The following KIF16B variants were observed in gnomAD, a reference collection of about 807,000 sequenced individuals.
KIF16B encodes the protein kinesin-like protein KIF16B.
A neutral mutation model predicts 156.3 loss-of-function variants in KIF16B; 98 were observed. The ratio of observed to expected loss-of-function variants is 0.63; its 90% CI spans 0.53 to 0.74. The LOEUF is 0.74. KIF16B is among the 30% of genes least tolerant of loss of function. KIF16B has a pLI of 0.00. For synonymous variants in KIF16B, 564 were observed against 583.7 expected (o/e 0.97, Z 0.49); for missense variants, 1,421 against 1,606.5 (o/e 0.88, Z 1.97).
intron 10 of KIF16B, among the ~76,000 whole-genome samples, chr20:16,501,940 G>T (rs1254372773): frequency 6.6e-6 from 1 of 152,062 alleles, no homozygotes; most frequent in Non-Finnish European, 1.5e-5. Context: ...TTAGATGGGT[G>T]AATTTAGCTT....
chr20:16,322,171 A>G (rs578142872), intron 24 of KIF16B, among the ~76,000 whole-genome samples: 2 of 152,144 alleles, frequency 1.3e-5, no homozygotes, highest in African/African-American at 4.8e-5. Flanking sequence ...AAAAGACAAA[A>G]TTCCTATGGA....
At chr20:16,459,515 T>G (rs1313187466) in intron 12 of KIF16B, among the ~76,000 whole-genome samples, 1 of 152,134 alleles carries the variant, frequency 6.6e-6, no homozygotes. Flanking sequence ...GGTCTCTGAG[T>G]CATCATTTGG....
At chr20:16,527,263 C>G (rs941008555) in intron 2 of KIF16B, among the ~76,000 whole-genome samples, 3 of 152,200 alleles carry the variant, frequency 2.0e-5, no homozygotes, top group African/African-American at 7.2e-5. Context: ...TGGAGAATGC[C>G]TCAGGCAAAG....
chr20:16,501,595 A>G (rs1380657773), intron 10 of KIF16B, among the ~76,000 whole-genome samples: 20 of 152,144 alleles, frequency 1.3e-4, no homozygotes, highest in Admixed American at 1.3e-3. Context: ...AACCCCTCAA[A>G]TGCCCATCTA....
chr20:16,321,540 C>G (rs1459049839), intron 24 of KIF16B, among the ~76,000 whole-genome samples: 1 of 151,932 alleles, frequency 6.6e-6, no homozygotes, highest in South Asian at 2.1e-4. Flanking sequence ...TTCTATAACT[C>G]AGATGCTGAT....
intron 1 of KIF16B, among the ~76,000 whole-genome samples, chr20:16,547,085 T>C (rs2070439065): frequency 6.6e-6 from 1 of 152,216 alleles, no homozygotes; most frequent in Non-Finnish European, 1.5e-5. Flanking sequence ...CTTTCACTTA[T>C]TTTTAAATTC....
At position 16,506,177 on chromosome 20, in the gene KIF16B, G is replaced by T. The variant is rs770892172; in HGVS notation, c.713C>A (p.Ser238Tyr). ...ACTGACGGTTTCACATGGCATTTCA[G>T]AATCAAATTTAGCCTGTGGTAAAAT... is the stretch of plus-strand genomic sequence containing the variant. The part of the protein sequence containing the change: ...TIKFTQAKFD[S>Y]EMPCETVSKI... The change falls in exon 8 of 26, where the codon TCT becomes TAT. Residue 238 changes from serine (S) to tyrosine (Y), a missense_variant. Coordinates refer to ENST00000354981, the MANE Select transcript of KIF16B (RefSeq NM_024704.5). 9.3e-6 allele frequency: 15 copies of T among 1,613,942 alleles called. No homozygotes were observed. In the Admixed American group the frequency reaches 1.2e-4, roughly 13 times the overall value.
At chr20:16,394,478 C>T (rs1480034613) in intron 17 of KIF16B, among the ~76,000 whole-genome samples, 1 of 152,164 alleles carries the variant, frequency 6.6e-6, no homozygotes, top group Non-Finnish European at 1.5e-5. Flanking sequence ...CTATTTAAGG[C>T]AATCTATAGC....
chr20:16,320,166 T>C (rs1481722214), intron 24 of KIF16B, among the ~76,000 whole-genome samples: 1 of 152,068 alleles, frequency 6.6e-6, no homozygotes, highest in Non-Finnish European at 1.5e-5. Context: ...ACAAGGGCAC[T>C]ACAGGAAATT....
chr20:16,406,538 T>G (rs930579829), intron 15 of KIF16B, 82 bp from the exon 16 acceptor site: 3 of 1,141,538 alleles, frequency 2.6e-6, no homozygotes, highest in Admixed American at 3.5e-5. Flanking sequence ...ATTCTACTGT[T>G]GAAATGTAAT....
At chr20:16,432,150 C>T (rs918669714) in intron 12 of KIF16B, among the ~76,000 whole-genome samples, 1 of 152,032 alleles carries the variant, frequency 6.6e-6, no homozygotes, top group Admixed American at 6.6e-5. Flanking sequence ...GACAAAAGAC[C>T]TCTAAAGTCA....
intron 25 of KIF16B, among the ~76,000 whole-genome samples, chr20:16,302,143 C>T (rs914039837): frequency 5.9e-5 from 9 of 152,136 alleles, no homozygotes; most frequent in Admixed American, 2.0e-4. Context: ...TGAAGTCTAT[C>T]TTATTTATTT....
chr20:16,274,107 A>G (rs551166858), intron 25 of KIF16B, among the ~76,000 whole-genome samples: 4 of 151,594 alleles, frequency 2.6e-5, no homozygotes, highest in African/African-American at 9.7e-5. Context: ...AAGGCCGGCC[A>G]TCTGTACAAG....
chr20:16,379,568 C>T lies in KIF16B; in HGVS notation c.2434G>A (p.Asp812Asn), dbSNP rs768717907. Residue 812 changes from aspartate (D) to asparagine (N), a missense_variant, in exon 19 of 26, where the codon GAT (aspartate) becomes AAT (asparagine). Asp to Asn is a conservative substitution (Grantham distance 23). Transcript: ENST00000354981. ...LRVKEARAGGDEDGEELEKAQ... is the reference protein window; with the variant it reads ...LRVKEARAGGNEDGEELEKAQ... The stretch of plus-strand genomic sequence containing the variant: ...TTTTCTAACTCCTCGCCATCTTCAT[C>T]CCCTCCGGCACGAGCCTCCTTCACC... The T allele has an allele frequency of 2.1e-5, 34 of 1,614,020 alleles. No individual in the cohort carries two copies. The South Asian group carries it at 3.4e-4, about 16-fold the overall frequency.
chr20:16,362,603 C>G (rs1221366877), intron 22 of KIF16B, among the ~76,000 whole-genome samples: 2 of 152,160 alleles, frequency 1.3e-5, no homozygotes, highest in African/African-American at 4.8e-5. Flanking sequence ...TCAAGAATAA[C>G]AGTGACTATG....
intron 12 of KIF16B, among the ~76,000 whole-genome samples, chr20:16,435,336 A>T (rs1241297788): frequency 1.3e-5 from 2 of 152,214 alleles, no homozygotes; most frequent in Non-Finnish European, 2.9e-5. Context: ...TCAGAAGGTT[A>T]AAGACATGGC....
intron 1 of KIF16B, among the ~76,000 whole-genome samples, chr20:16,541,065 T>A (rs1027994047): frequency 1.4e-4 from 22 of 152,162 alleles, no homozygotes; most frequent in African/African-American, 5.3e-4. Flanking sequence ...CTCACCTGTC[T>A]CAGGGCCTGA....
At chr20:16,436,042 G>A (rs760091453) in intron 12 of KIF16B, among the ~76,000 whole-genome samples, 15 of 151,856 alleles carry the variant, frequency 9.9e-5, no homozygotes, top group Non-Finnish European at 1.6e-4. Context: ...TATCTTTTGC[G>A]TGCTATATTC....
chr20:16,571,785 A>G (rs1369070463), intron 1 of KIF16B, among the ~76,000 whole-genome samples: 1 of 151,814 alleles, frequency 6.6e-6, no homozygotes, highest in East Asian at 1.9e-4. Flanking sequence ...GTCCACCACC[A>G]CGCCCGGCTA....
Sources: allele counts gnomAD v4.1 joint callset (sites outside exome capture counted in the v4.1 genomes callset), GRCh38; gene constraint gnomAD v4.1.1; transcripts MANE v1.5; gene names NCBI Gene and HGNC (gene_info 2026-07-23, HGNC 2026-07-21).